ALDH16A1: variants seen among roughly 807,000 people sequenced by gnomAD.
The protein encoded by ALDH16A1 is aldehyde dehydrogenase 16 family member A1.
ALDH16A1 carries 88 observed loss-of-function variants against 96.1 expected under a neutral mutation model. The observed-to-expected ratio is 0.92, with a 90% CI of 0.77 to 1.09. The LOEUF (loss-of-function observed/expected upper bound fraction) is 1.09, where lower values mean the gene tolerates loss of function less well. ALDH16A1 is among the 50% of genes least tolerant of loss of function. The pLI, the probability that ALDH16A1 is intolerant of heterozygous loss-of-function variation, is 0.00. For missense variants in ALDH16A1, 1,250 were observed against 1,112.6 expected (o/e 1.12, Z -1.76); for synonymous variants, 522 against 496.4 (o/e 1.05, Z -0.69).
chr19:49,456,002 G>C (rs1266500471), intron 1 of ALDH16A1, among the ~76,000 whole-genome samples: 1 of 152,130 alleles, frequency 6.6e-6, no homozygotes, highest in African/African-American at 2.4e-5. Flanking sequence ...CCTGACAAAA[G>C]TCATCTGGGA....
rs557182169 is a variant in ALDH16A1 at position 49,466,227 on chromosome 19, G to A, written c.1882G>A (p.Ala628Thr). ...KAAEAEVELS[A>T]RRLRAWGARV... ...TGCGGAGGCGGAGGTGGAGCTGAGC[G>A]CAAGACGACTTCGGGCGTGGGGGGC... The change falls in exon 14 of 17, where the codon GCA becomes ACA. Residue 628 changes from alanine (A) to threonine (T), a missense_variant. Ala to Thr is a moderately conservative substitution (Grantham distance 58). Coordinates refer to ENST00000293350, the MANE Select transcript of ALDH16A1 (RefSeq NM_153329.4). The A allele has an allele frequency of 1.3e-5, 19 of 1,508,704 alleles. No homozygotes were observed. In the Admixed American group the frequency reaches 2.3e-4, roughly 19 times the overall value. 93.5% of individuals were successfully genotyped at this position (1,508,704 alleles called of 1,614,324 possible). A position where few individuals can be genotyped will look rare whatever the true frequency, so the allele number is the denominator to read the frequency against.
chr19:49,453,526 C>A, intron 1 of ALDH16A1, 105 bp downstream of exon 1: 1 of 1,080,718 alleles, frequency 9.3e-7, no homozygotes, highest in Non-Finnish European at 1.3e-6. Context: ...AGCCGCTCCG[C>A]CTCTCTTAGT....
At chr19:49,460,519 A>ATTC (rs1337802763) in intron 4 of ALDH16A1, among the ~76,000 whole-genome samples, 1 of 150,396 alleles carries the variant, frequency 6.6e-6, no homozygotes. Flanking sequence ...TGTTCAAGTG[A>ATTC]TTCTCCTGCC....
Position 49,462,109 on chromosome 19 carries a change from G to A in ALDH16A1, c.912+73G>A, listed in dbSNP as rs551177694. The A allele has an allele frequency of 1.6e-4, 231 of 1,438,020 alleles. 1 individual carries two copies. In the African/African-American group the frequency reaches 2.8e-3, roughly 18 times the overall value. 89.1% of individuals were successfully genotyped at this position (1,438,020 alleles called of 1,614,324 possible). ...GTCTGTCTCCAGTCTTCGGGGTCCCGAGTCTCTGTTCATTTTATTTTATTT... is the reference window on the plus strand; with the variant it reads ...GTCTGTCTCCAGTCTTCGGGGTCCCAAGTCTCTGTTCATTTTATTTTATTT... On this transcript the variant is annotated intron_variant, in intron 7 of 16. Transcript: ENST00000293350.
chr19:49,464,357 C>A, intron 10 of ALDH16A1, 60 bp from the exon 11 acceptor site: 1 of 1,563,440 alleles, frequency 6.4e-7, no homozygotes, highest in South Asian at 1.2e-5. Flanking sequence ...TTTAACTCAC[C>A]CCTCTCCCGG....
intron 14 of ALDH16A1, among the ~76,000 whole-genome samples, chr19:49,466,638 A>C (rs575676073): frequency 5.9e-4 from 90 of 152,298 alleles, no homozygotes; most frequent in African/African-American, 2.0e-3. Context: ...AGGCAGGCGG[A>C]TCACGAGGTC....
chr19:49,464,780 A>G lies in ALDH16A1; in HGVS notation c.1568+18A>G. On this transcript the variant is annotated intron_variant, in intron 12 of 16. Coordinates refer to ENST00000293350, the MANE Select transcript of ALDH16A1 (RefSeq NM_153329.4). ...GGGCCCAGGTGAGTCGTTGGGGGCC[A>G]GTGGTCTGGGAGTGTGAACGGGGAG... 4.3e-6 allele frequency: 7 copies of G among 1,613,468 alleles called. No individual in the cohort carries two copies. The South Asian group carries it at 6.6e-5, about 15-fold the overall frequency.
rs1416838838 is a variant in ALDH16A1 at position 49,460,893 on chromosome 19, G to C, written c.571G>C (p.Ala191Pro). 8.7e-6 allele frequency: 14 copies of C among 1,613,212 alleles called. No individual in the cohort carries two copies. Among genetic ancestry groups the C allele is most frequent in the African/African-American group, 4.0e-5 (3 of 74,900 alleles). Residue 191 changes from alanine to proline, a missense_variant, in exon 5 of 17, where the codon GCT becomes CCT. Coordinates refer to ENST00000293350, the MANE Select transcript of ALDH16A1 (RefSeq NM_153329.4). ...GATGTGGAGGATTTGCCCTGCCCTG[G>C]CTGTGGGTAAATGATGGCCTGGGGG... The part of the protein sequence containing the change: ...EMMWRICPAL[A>P]VGCTVVALVP...
At chr19:49,469,996 G>A (rs971509301) in intron 16 of ALDH16A1, 1 of 270,568 alleles carries the variant, frequency 3.7e-6, no homozygotes, top group Non-Finnish European at 7.0e-6. Context: ...GATTACAGGA[G>A]CGAGTCACCG....
chr19:49,470,829 T>A lies in ALDH16A1; in HGVS notation c.*362T>A. ...ACACCTGGCTCGAGGCCATTTTAGT[T>A]CTGAGGTTGAGCAGCTCAGGAGCCG... On this transcript the variant is annotated 3_prime_UTR_variant, in exon 17 of 17. Coordinates refer to ENST00000293350, the MANE Select transcript of ALDH16A1 (RefSeq NM_153329.4). 5.7e-6 allele frequency: 1 copy of A among 176,266 alleles called. No individual in the cohort carries two copies. Among genetic ancestry groups the A allele is most frequent in the Non-Finnish European group, 1.2e-5 (1 of 83,870 alleles). The allele number at this position is 176,266 out of a possible 1,614,324, so 10.9% of individuals were successfully genotyped here. A position where few individuals can be genotyped will look rare whatever the true frequency, so the allele number is the denominator to read the frequency against.
chr19:49,460,863 G>A lies in ALDH16A1; in HGVS notation c.541G>A (p.Glu181Lys). 3 of 1,613,758 alleles carry A rather than the reference G, an allele frequency of 1.9e-6. No homozygotes were observed. The highest frequency in any genetic ancestry group is 1.7e-6 in the Non-Finnish European group (2 of 1,180,008). Residue 181 changes from glutamate (E) to lysine (K), a missense_variant, in exon 5 of 17, where the codon GAG (glutamate) becomes AAG (lysine). Glu to Lys is a moderately conservative substitution (Grantham distance 56). Coordinates refer to ENST00000293350, the MANE Select transcript of ALDH16A1 (RefSeq NM_153329.4). ...CCTGCCACCCACATTCTCCTTCCTTGAGATGATGTGGAGGATTTGCCCTGC... is the reference window on the plus strand; with the variant it reads ...CCTGCCACCCACATTCTCCTTCCTTAAGATGATGTGGAGGATTTGCCCTGC... ...LILPPTFSFLEMMWRICPALA... is the reference protein window; with the variant it reads ...LILPPTFSFLKMMWRICPALA...
chr19:49,464,784 G>C, intron 12 of ALDH16A1, 22 bp downstream of exon 12: 2 of 1,613,322 alleles, frequency 1.2e-6, no homozygotes, highest in Non-Finnish European at 1.7e-6. Flanking sequence ...GGGGCCAGTG[G>C]TCTGGGAGTG....
At chr19:49,469,033 C>A in intron 16 of ALDH16A1, 47 bp downstream of exon 16, 2 of 1,571,508 alleles carry the variant, frequency 1.3e-6, no homozygotes, top group South Asian at 2.3e-5. Context: ...AAACTTCAAA[C>A]AGGCTCCTCC....
Position 49,460,891 on chromosome 19 carries a change from T to C in ALDH16A1, c.569T>C (p.Leu190Pro). 6.2e-7 allele frequency: 1 copy of C among 1,613,428 alleles called. No homozygotes were observed. Among genetic ancestry groups the C allele is most frequent in the East Asian group, 2.2e-5 (1 of 44,888 alleles). The change falls in exon 5 of 17, where the codon CTG (leucine) becomes CCG (proline). Residue 190 changes from leucine (L) to proline (P), a missense_variant. Coordinates refer to ENST00000293350, the MANE Select transcript of ALDH16A1 (RefSeq NM_153329.4). ...ATGATGTGGAGGATTTGCCCTGCCCTGGCTGTGGGTAAATGATGGCCTGGG... is the reference window on the plus strand; with the variant it reads ...ATGATGTGGAGGATTTGCCCTGCCCCGGCTGTGGGTAAATGATGGCCTGGG... ...LEMMWRICPALAVGCTVVALV... is the reference protein window; with the variant it reads ...LEMMWRICPAPAVGCTVVALV...
intron 7 of ALDH16A1, among the ~76,000 whole-genome samples, chr19:49,462,305 A>G (rs1182512055): frequency 6.6e-6 from 1 of 151,680 alleles, no homozygotes; most frequent in Non-Finnish European, 1.5e-5. Context: ...TGGCTAATTT[A>G]TGTATTTTTA....
At position 49,468,559 on chromosome 19, in the gene ALDH16A1, T is replaced by A. The variant is rs145950701; in HGVS notation, c.2117T>A (p.Val706Asp). 6.2e-7 allele frequency: 1 copy of A among 1,603,876 alleles called. No individual in the cohort carries two copies. Among genetic ancestry groups the A allele is most frequent in the Non-Finnish European group, 8.5e-7 (1 of 1,179,824 alleles). The change falls in exon 15 of 17, where the codon GTC becomes GAC. Residue 706 changes from valine to aspartate, a missense_variant. Val to Asp is a radical substitution (Grantham distance 152). Coordinates refer to ENST00000293350, the MANE Select transcript of ALDH16A1 (RefSeq NM_153329.4). This position sits in a 1 kb window ranked among gnomAD's most constrained non-coding sequence, Gnocchi z 4.4. ...SAACPLLALE[V>D]CQDMATVFPA... ...GCCTGTCCTCTGCTGGCCCTGGAGG[T>A]CTGCCAGGTATAGCCCCCTGCCTTC...
intron 1 of ALDH16A1, among the ~76,000 whole-genome samples, chr19:49,456,646 T>A (rs996076770): frequency 1.3e-5 from 2 of 152,178 alleles, no homozygotes; most frequent in African/African-American, 4.8e-5. Flanking sequence ...CGTCTCAGCG[T>A]GGGAAAGTGC....
intron 1 of ALDH16A1, among the ~76,000 whole-genome samples, chr19:49,457,035 G>C (rs1297864069): frequency 6.6e-6 from 1 of 151,914 alleles, no homozygotes; most frequent in Non-Finnish European, 1.5e-5. Flanking sequence ...GTGAACCCAG[G>C]AGGCGGAGGT....
intron 1 of ALDH16A1, among the ~76,000 whole-genome samples, chr19:49,453,655 C>T (rs891164556): frequency 1.3e-5 from 2 of 152,204 alleles, no homozygotes; most frequent in African/African-American, 4.8e-5. Flanking sequence ...CCCCTTGATC[C>T]TGAACTCCTC....
Sources: gnomAD v4.1 joint callset for allele counts (sites outside exome capture counted in the v4.1 genomes callset) on GRCh38, gnomAD v4.1.1 for gene constraint, Gnocchi (gnomAD v3.1) non-coding constraint, MANE v1.5 for transcripts, NCBI Gene and HGNC (gene_info 2026-07-23, HGNC 2026-07-21) for gene names.